LOC400499: variants seen among roughly 807,000 people sequenced by gnomAD.
At chr16:11,469,551 G>C in the LOC400499 span, 59 of 399,022 alleles carry the variant, frequency 1.5e-4, no homozygotes, top group Middle Eastern at 6.3e-4. Context: ...GCTTGAGCCG[G>C]AACTTGTTCT....
the LOC400499 span, chr16:11,398,257 C>T: frequency 6.2e-6 from 7 of 1,137,562 alleles, 1 homozygote; most frequent in African/African-American, 1.1e-4. Context: ...CTCGCTCACA[C>T]CCCTGCATTC....
At chr16:11,397,421 G>A in the LOC400499 span, among the ~76,000 whole-genome samples, 9 of 152,028 alleles carry the variant, frequency 5.9e-5, no homozygotes, top group African/African-American at 1.7e-4. Context: ...CTACAGGCAC[G>A]TGCCACCGTG....
chr16:11,496,066 CCTT>C, the LOC400499 span, among the ~76,000 whole-genome samples: 1 of 98,274 alleles, frequency 1.0e-5, no homozygotes, highest in African/African-American at 3.0e-5. Flanking sequence ...CTAGCTCTGT[CCTT>C]TTTTTTTTTT....
chr16:11,386,059 G>A, the LOC400499 span, among the ~76,000 whole-genome samples: 1,226 of 152,246 alleles, frequency 8.1e-3, 14 homozygotes, highest in African/African-American at 0.028. Flanking sequence ...ACACATACAA[G>A]TCATCCATTT....
the LOC400499 span, among the ~76,000 whole-genome samples, chr16:11,419,742 A>C: frequency 6.6e-6 from 1 of 152,208 alleles, no homozygotes; most frequent in East Asian, 1.9e-4. Flanking sequence ...AATGAACTCA[A>C]ATTTACAAGA....
chr16:11,428,793 C>T, the LOC400499 span, among the ~76,000 whole-genome samples: 1 of 152,170 alleles, frequency 6.6e-6, no homozygotes, highest in Admixed American at 6.5e-5. Context: ...CTGGTTTACA[C>T]ACCTCTGACA....
chr16:11,427,119 A>T, the LOC400499 span, among the ~76,000 whole-genome samples: 1 of 151,768 alleles, frequency 6.6e-6, no homozygotes, highest in African/African-American at 2.4e-5. Flanking sequence ...GCACTTTGGG[A>T]GGCCTAGGAG....
chr16:11,461,235 T>G, the LOC400499 span: 4 of 1,298,108 alleles, frequency 3.1e-6, no homozygotes, highest in Non-Finnish European at 4.1e-6. Context: ...TGGGGGCTCC[T>G]TGAAGAGCCA....
At chr16:11,513,048 C>A in the LOC400499 span, among the ~76,000 whole-genome samples, 4 of 152,204 alleles carry the variant, frequency 2.6e-5, no homozygotes, top group Non-Finnish European at 5.9e-5. Context: ...TCTCACTCAC[C>A]GTGTGACCTT....
At chr16:11,436,910 G>C in the LOC400499 span, among the ~76,000 whole-genome samples, 8 of 152,168 alleles carry the variant, frequency 5.3e-5, no homozygotes, top group African/African-American at 1.7e-4. Context: ...GGTTTTAAAA[G>C]AATGCCTGGT....
At chr16:11,388,326 C>A in the LOC400499 span, among the ~76,000 whole-genome samples, 2 of 152,170 alleles carry the variant, frequency 1.3e-5, no homozygotes, top group African/African-American at 4.8e-5. Context: ...CCATTCTGAC[C>A]GCAGGAAGGC....
the LOC400499 span, chr16:11,384,752 C>G: frequency 4.1e-6 from 3 of 732,858 alleles, no homozygotes; most frequent in Non-Finnish European, 3.8e-6. Context: ...TGAGGGCACA[C>G]GCGCTGCCAT....
the LOC400499 span, chr16:11,494,458 G>A: frequency 2.5e-6 from 1 of 393,832 alleles, no homozygotes; most frequent in East Asian, 3.6e-5. Context: ...ATGAGGGATA[G>A]GAGGAAGGGG....
the LOC400499 span, among the ~76,000 whole-genome samples, chr16:11,500,505 C>T: frequency 1.5e-5 from 1 of 68,290 alleles, no homozygotes; most frequent in Admixed American, 1.6e-4. Flanking sequence ...AGCAAGACTC[C>T]GTCCTAAATA....
chr16:11,372,541 G>C, the LOC400499 span: 1 of 154,842 alleles, frequency 6.5e-6, no homozygotes, highest in Non-Finnish European at 1.4e-5. Flanking sequence ...ATGTCCCCCG[G>C]AAGTATTTTG....
the LOC400499 span, among the ~76,000 whole-genome samples, chr16:11,413,358 G>T: frequency 1.3e-5 from 2 of 152,174 alleles, no homozygotes; most frequent in South Asian, 2.1e-4. Context: ...CTGACCCCCT[G>T]GGAGCTGCTC....
At chr16:11,384,061 C>G in the LOC400499 span, 1 of 1,231,694 alleles carries the variant, frequency 8.1e-7, no homozygotes, top group Non-Finnish European at 1.0e-6. Context: ...GTGGCTCCCC[C>G]GCGTACACTG....
chr16:11,396,671 A>G, the LOC400499 span: 2 of 1,231,694 alleles, frequency 1.6e-6, no homozygotes, highest in African/African-American at 1.6e-5. Flanking sequence ...GACGACCAAG[A>G]GGGCCTGGGA....
chr16:11,466,648 C>T, the LOC400499 span, among the ~76,000 whole-genome samples: 2,412 of 152,222 alleles, frequency 0.016, 25 homozygotes, highest in Middle Eastern at 0.024. Context: ...CTCGGCCTCC[C>T]AAAGTGCTGG....
Sources: gnomAD v4.1 joint callset for allele counts (sites outside exome capture counted in the v4.1 genomes callset) on GRCh38, gnomAD v4.1.1 for gene constraint, MANE v1.5 for transcripts.